Variants in TFEC observed in about 807,000 individuals in gnomAD.
The protein encoded by TFEC is transcription factor EC.
A neutral mutation model predicts 41.6 loss-of-function variants in TFEC; 31 were observed. The ratio of observed to expected loss-of-function variants is 0.74; its 90% CI spans 0.56 to 1.01. TFEC has a LOEUF of 1.01. Among genes scored for constraint, TFEC ranks in the 50% least tolerant of loss-of-function variants. The pLI, the probability that TFEC is intolerant of heterozygous loss-of-function variation, is 0.00. For synonymous variants in TFEC, 143 were observed against 140.6 expected, an observed-to-expected ratio of 1.02 and a Z score of -0.12; for missense variants, 402 against 404.1, an observed-to-expected ratio of 0.99 and a Z score of 0.04.
intron 1 of TFEC, among the ~76,000 whole-genome samples, chr7:116,146,988 C>G (rs1798653684): frequency 6.6e-6 from 1 of 152,070 alleles, no homozygotes. Flanking sequence ...TTGGATTAAG[C>G]AACAGATTAG....
intron 3 of TFEC, among the ~76,000 whole-genome samples, chr7:116,090,009 C>T (rs1339987897): frequency 2.0e-5 from 3 of 152,072 alleles, no homozygotes; most frequent in South Asian, 4.1e-4. Flanking sequence ...GGTCTGAAGG[C>T]AGGGGACCTA....
chr7:115,935,407 T>C lies in TFEC; in HGVS notation c.*5144A>G, dbSNP rs1330507070. On this transcript the variant is annotated 3_prime_UTR_variant, in exon 8 of 8. Coordinates refer to ENST00000265440, the MANE Select transcript of TFEC (RefSeq NM_012252.4). ...GAATGTTACTTCAGCTATTTGTATA[T>C]GTAAAACACTATTAAAGTCAAAGAT... is the stretch of plus-strand genomic sequence containing the variant. 1.3e-5 allele frequency: 2 copies of C among 152,114 alleles called. No individual in the cohort carries two copies. Among genetic ancestry groups the C allele is most frequent in the Non-Finnish European group, 3.0e-5 (2 of 67,650 alleles). The allele number at this position is 152,114 out of a possible 1,614,324, so 9.4% of individuals were successfully genotyped here.
At chr7:116,143,844 G>C (rs550368813) in intron 1 of TFEC, among the ~76,000 whole-genome samples, 1 of 152,312 alleles carries the variant, frequency 6.6e-6, no homozygotes, top group South Asian at 2.1e-4. Context: ...AGAGACTAGA[G>C]ATGAAGGGCT....
At position 115,940,419 on chromosome 7, in the gene TFEC, A is replaced by G. The variant is rs1793428249; in HGVS notation, c.*132T>C. 4.2e-6 allele frequency: 4 copies of G among 955,732 alleles called. No homozygotes were observed. Among genetic ancestry groups the G allele is most frequent in the East Asian group, 2.7e-5 (1 of 36,938 alleles). The allele number at this position is 955,732 out of a possible 1,614,324, so 59.2% of individuals were successfully genotyped here. On this transcript the variant is annotated 3_prime_UTR_variant, in exon 8 of 8. Coordinates refer to ENST00000265440, the MANE Select transcript of TFEC (RefSeq NM_012252.4). ...TCCTGCGAATTCTTCTGTTGCTTCTATCAGTTTTTCATGAACAACACATTC... is the reference window on the plus strand; with the variant it reads ...TCCTGCGAATTCTTCTGTTGCTTCTGTCAGTTTTTCATGAACAACACATTC...
intron 3 of TFEC, among the ~76,000 whole-genome samples, chr7:116,047,972 C>A (rs146687140): frequency 6.6e-6 from 1 of 152,176 alleles, no homozygotes; most frequent in Admixed American, 6.5e-5. Context: ...CGCACCAAAA[C>A]CCCATCAGTA....
intron 1 of TFEC, among the ~76,000 whole-genome samples, chr7:116,121,967 ACCTAATTTTCCGAACAG>A (rs1055148049): frequency 2.6e-5 from 4 of 152,070 alleles, no homozygotes; most frequent in African/African-American, 9.7e-5. Context: ...TGAATTGACA[ACCTAATTTTCCGAACAG>A]GTAACAAATG....
chr7:116,029,603 T>G (rs567481758), intron 1 of TFEC, among the ~76,000 whole-genome samples: 1 of 152,174 alleles, frequency 6.6e-6, no homozygotes, highest in Non-Finnish European at 1.5e-5. Flanking sequence ...CAGTGAAATA[T>G]TCTAAGACAA....
At chr7:115,943,128 A>C (rs1009039067) in intron 6 of TFEC, among the ~76,000 whole-genome samples, 2 of 152,044 alleles carry the variant, frequency 1.3e-5, no homozygotes, top group Admixed American at 1.3e-4. Context: ...GTTCTACTGC[A>C]ATGCACCAAA....
chr7:116,096,391 G>A (rs777681297), intron 3 of TFEC, among the ~76,000 whole-genome samples: 21 of 152,094 alleles, frequency 1.4e-4, no homozygotes, highest in Admixed American at 2.6e-4. Context: ...ATTTGGTGAC[G>A]AAATTAAACT....
intron 3 of TFEC, among the ~76,000 whole-genome samples, chr7:116,105,084 AT>A (rs1797686210): frequency 6.6e-6 from 1 of 152,128 alleles, no homozygotes; most frequent in Non-Finnish European, 1.5e-5. Context: ...CTCCAGTCCT[AT>A]GGCCCCAGAG....
rs989983736 is a variant in TFEC, at chr7:115,967,778, G to A, written c.267+6392C>T. On this transcript the variant is annotated intron_variant, in intron 3 of 7. Transcript: ENST00000265440. ...CAATATGTGACTATATACAATAATA[G>A]AAGAGATAAAATATAAAACAAAGAA... 2.6e-5 allele frequency among the ~76,000 whole-genome samples: 4 copies of A among 151,702 alleles called. 1 individual carries two copies. In the Admixed American group the frequency reaches 2.6e-4, roughly 10 times the overall value.
intron 3 of TFEC, among the ~76,000 whole-genome samples, chr7:115,969,732 G>T (rs1394446537): frequency 6.6e-6 from 1 of 151,936 alleles, no homozygotes; most frequent in African/African-American, 2.4e-5. Context: ...CAGCTGTAAG[G>T]GAACAAAATG....
intron 1 of TFEC, among the ~76,000 whole-genome samples, chr7:116,141,208 G>A (rs1798533970): frequency 6.6e-6 from 1 of 152,040 alleles, no homozygotes; most frequent in Non-Finnish European, 1.5e-5. Flanking sequence ...AAAAATAAAA[G>A]ACAATTATGA....
rs918180486 is a variant in TFEC, at chr7:115,938,098, C to T, written c.*2453G>A. Reference sequence around the variant, plus strand: ...GTTCCCTCTCCAGATCTCTTGTGTCCAGGCTCTATCATCCTGTGCCAAGTC... The same window carrying T: ...GTTCCCTCTCCAGATCTCTTGTGTCTAGGCTCTATCATCCTGTGCCAAGTC... On this transcript the variant is annotated 3_prime_UTR_variant, in exon 8 of 8. Coordinates refer to ENST00000265440, the MANE Select transcript of TFEC (RefSeq NM_012252.4). The T allele has an allele frequency of 1.3e-5, 2 of 151,830 alleles. No individual in the cohort carries two copies. The highest frequency in any genetic ancestry group is 2.9e-5 in the Non-Finnish European group (2 of 67,882). 9.4% of individuals were successfully genotyped at this position (151,830 alleles called of 1,614,324 possible).
chr7:116,134,744 T>C (rs1218956556), intron 1 of TFEC, among the ~76,000 whole-genome samples: 1 of 152,140 alleles, frequency 6.6e-6, no homozygotes, highest in East Asian at 1.9e-4. Context: ...CTTACAAATA[T>C]GTTCATATTA....
intron 1 of TFEC, among the ~76,000 whole-genome samples, chr7:116,029,448 C>T (rs949764800): frequency 2.0e-5 from 3 of 152,110 alleles, no homozygotes; most frequent in South Asian, 4.1e-4. Flanking sequence ...TACCATTTCA[C>T]TTTGCTGTGC....
In TFEC at chr7:115,942,060, C is replaced by A. The variant is rs755679694; in HGVS notation, c.516-20G>T. ...ATATCACTGTAGAATGGAGAGATAA[C>A]CTTTTCACAATTGTGCATGTCAGCA... On this transcript the variant is annotated intron_variant, in intron 6 of 7. Coordinates refer to ENST00000265440, the MANE Select transcript of TFEC (RefSeq NM_012252.4). 13 of 1,591,896 alleles carry A rather than the reference C, an allele frequency of 8.2e-6. No homozygotes were observed. The highest frequency in any genetic ancestry group is 1.0e-5 in the Non-Finnish European group (12 of 1,168,576).
chr7:116,002,082 G>A (rs1794621259), intron 1 of TFEC, among the ~76,000 whole-genome samples: 1 of 152,196 alleles, frequency 6.6e-6, no homozygotes, highest in African/African-American at 2.4e-5. Context: ...TCGTGGGAAT[G>A]TAAGTTAGTA....
At chr7:116,034,228 A>T (rs1443677421), upstream of TFEC, among the ~76,000 whole-genome samples, 1 of 151,980 alleles carries the variant, frequency 6.6e-6, no homozygotes, top group African/African-American at 2.4e-5. Flanking sequence ...CCCCTACCCT[A>T]GCTATATTCA....
Sources: allele counts gnomAD v4.1 joint callset (sites outside exome capture counted in the v4.1 genomes callset), GRCh38; gene constraint gnomAD v4.1.1; transcripts MANE v1.5; gene names NCBI Gene and HGNC (gene_info 2026-07-23, HGNC 2026-07-21).